The following AUTS2 variants were observed in gnomAD, a reference collection of about 807,000 sequenced individuals.
AUTS2 encodes the protein autism susceptibility gene 2 protein.
In AUTS2, 17 loss-of-function variants were observed where a neutral mutation model predicts 112.4. That is an observed-to-expected ratio of 0.15 (90% CI 0.10 to 0.23). The LOEUF is 0.23. Ranked by LOEUF, AUTS2 falls within the 10% of genes least tolerant of loss-of-function variation. The pLI is 1.00. For synonymous variants in AUTS2, 751 were observed against 702.7 expected (o/e 1.07, Z -1.09); for missense variants, 1,510 against 1,701.6 (o/e 0.89, Z 1.98).
intron 1 of AUTS2, among the ~76,000 whole-genome samples, chr7:69,693,973 A>T (rs1270561352): frequency 6.6e-6 from 1 of 152,322 alleles, no homozygotes; most frequent in East Asian, 1.9e-4. Context: ...TGGTCTTTAC[A>T]CTATTGGGCA....
At chr7:70,387,409 G>A (rs533296940) in intron 4 of AUTS2, among the ~76,000 whole-genome samples, 5 of 152,154 alleles carry the variant, frequency 3.3e-5, no homozygotes, top group African/African-American at 1.2e-4. Context: ...CACATTATCC[G>A]GCTACTTTTG....
At chr7:69,834,225 A>C (rs1252831259) in intron 1 of AUTS2, among the ~76,000 whole-genome samples, 1 of 152,200 alleles carries the variant, frequency 6.6e-6, no homozygotes, top group Non-Finnish European at 1.5e-5. Flanking sequence ...ACAGTCCAAC[A>C]GACTGTTACC....
chr7:70,083,076 G>T (rs1241002052), intron 2 of AUTS2, among the ~76,000 whole-genome samples: 1 of 152,172 alleles, frequency 6.6e-6, no homozygotes, highest in Non-Finnish European at 1.5e-5. Context: ...AATCAATGAT[G>T]ATTATTTTAA....
intron 2 of AUTS2, among the ~76,000 whole-genome samples, chr7:70,053,017 G>C (rs1300667177): frequency 6.6e-6 from 1 of 152,202 alleles, no homozygotes; most frequent in Non-Finnish European, 1.5e-5. Context: ...TTGCTTACTT[G>C]CTCAGCACTC....
intron 5 of AUTS2, among the ~76,000 whole-genome samples, chr7:70,687,476 T>C (rs1263093981): frequency 6.6e-6 from 1 of 152,236 alleles, no homozygotes; most frequent in Admixed American, 6.5e-5. Flanking sequence ...TTATGGATTT[T>C]TTAATACTTT....
chr7:69,908,598 G>T (rs1011647571), intron 2 of AUTS2, among the ~76,000 whole-genome samples: 3 of 152,174 alleles, frequency 2.0e-5, no homozygotes, highest in African/African-American at 7.2e-5. Context: ...CATTATACCT[G>T]CATTCATTGA....
At chr7:70,234,929 C>T (rs1361214605) in intron 4 of AUTS2, among the ~76,000 whole-genome samples, 1 of 152,082 alleles carries the variant, frequency 6.6e-6, no homozygotes, top group East Asian at 1.9e-4. Flanking sequence ...GGGCTTATTC[C>T]AGTGGAGCAG....
chr7:70,142,515 G>A (rs1323555177), intron 4 of AUTS2, among the ~76,000 whole-genome samples: 1 of 152,114 alleles, frequency 6.6e-6, no homozygotes, highest in African/African-American at 2.4e-5. Context: ...TGATTTCAAC[G>A]GAGTGGCCGA....
intron 2 of AUTS2, among the ~76,000 whole-genome samples, chr7:70,112,891 A>T (rs1013617954): frequency 2.0e-5 from 3 of 151,976 alleles, no homozygotes; most frequent in Non-Finnish European, 4.4e-5. Flanking sequence ...TTTGTTTTAC[A>T]CTTTGCTTTC....
intron 15 of AUTS2, chr7:70,782,599 G>C (rs1356823152): frequency 3.9e-5 from 6 of 152,170 alleles, no homozygotes; most frequent in Admixed American, 1.3e-4. Flanking sequence ...CTGGCACACA[G>C]AGCTCAGCTC....
intron 2 of AUTS2, among the ~76,000 whole-genome samples, chr7:70,076,574 G>T (rs1584683261): frequency 6.6e-6 from 1 of 152,262 alleles, no homozygotes; most frequent in Non-Finnish European, 1.5e-5. Flanking sequence ...CAGGCCACAG[G>T]CTGTGTGCTC....
At chr7:70,501,256 T>C (rs1798762172) in intron 5 of AUTS2, among the ~76,000 whole-genome samples, 1 of 152,178 alleles carries the variant, frequency 6.6e-6, no homozygotes, top group African/African-American at 2.4e-5. Flanking sequence ...GGGCACATGA[T>C]CAGAATGTGT....
intron 2 of AUTS2, among the ~76,000 whole-genome samples, chr7:69,985,693 C>T (rs1798482839): frequency 6.6e-6 from 1 of 152,110 alleles, no homozygotes; most frequent in South Asian, 2.1e-4. Context: ...TGTACTGTAG[C>T]TCTTAACTCA....
At chr7:69,685,287 A>G (rs1412849347) in intron 1 of AUTS2, among the ~76,000 whole-genome samples, 7 of 152,150 alleles carry the variant, frequency 4.6e-5, no homozygotes. Context: ...TTCTCTATCT[A>G]AAGCCTGCTT....
intron 1 of AUTS2, among the ~76,000 whole-genome samples, chr7:69,689,343 A>ATTTTTTTTT (rs530444257): frequency 1.8e-4 from 18 of 102,494 alleles, no homozygotes; most frequent in East Asian, 2.8e-4. Flanking sequence ...TAATTAATTA[A>ATTTTTTTTT]TTTTTTTTTT....
intron 5 of AUTS2, among the ~76,000 whole-genome samples, chr7:70,606,297 T>C (rs1803755282): frequency 6.6e-6 from 1 of 152,162 alleles, no homozygotes. Context: ...GACTTAGGAC[T>C]GAGTCCCTAA....
intron 6 of AUTS2, among the ~76,000 whole-genome samples, chr7:70,738,678 C>T (rs10247379): frequency 0.1 from 15,858 of 152,088 alleles, 903 homozygotes; most frequent in East Asian, 0.24. Flanking sequence ...GCCCCAATCC[C>T]GGAGGAGCGG....
At position 70,792,974 on chromosome 7, in the gene AUTS2, C is replaced by T. The variant is rs1367887083; in HGVS notation, c.*1978C>T. The T allele has an allele frequency of 2.0e-5, 3 of 152,544 alleles. No individual in the cohort carries two copies. Among genetic ancestry groups the T allele is most frequent in the Non-Finnish European group, 2.9e-5 (2 of 68,038 alleles). 9.4% of individuals were successfully genotyped at this position (152,544 alleles called of 1,614,324 possible). A position where few individuals can be genotyped will look rare whatever the true frequency, so the allele number is the denominator to read the frequency against. On this transcript the variant is annotated 3_prime_UTR_variant, in exon 19 of 19. Transcript: ENST00000342771. ...GAAAAGAAACACCTCGAACCCAGCCCGTGTAAGAACAGAAGGCTCACCTGC... is the reference window on the plus strand; with the variant it reads ...GAAAAGAAACACCTCGAACCCAGCCTGTGTAAGAACAGAAGGCTCACCTGC...
intron 4 of AUTS2, among the ~76,000 whole-genome samples, chr7:70,308,993 A>G (rs1789614698): frequency 6.6e-6 from 1 of 152,210 alleles, no homozygotes; most frequent in South Asian, 2.1e-4. Flanking sequence ...GGTGAGCAGC[A>G]TGTTAATTAC....
Sources: gnomAD v4.1 joint callset for allele counts (sites outside exome capture counted in the v4.1 genomes callset) on GRCh38, gnomAD v4.1.1 for gene constraint, MANE v1.5 for transcripts, NCBI Gene and HGNC (gene_info 2026-07-23, HGNC 2026-07-21) for gene names.